Variants in RAD51C observed in about 807,000 individuals in gnomAD.
RAD51C encodes the protein DNA repair protein RAD51 homolog 3.
In RAD51C, 42 loss-of-function variants were observed where a neutral mutation model predicts 45.0. The observed-to-expected ratio is 0.93, with a 90% CI of 0.73 to 1.21. The LOEUF is 1.21. Among genes scored for constraint, RAD51C ranks in the 50% most tolerant of loss-of-function variants. The probability of loss-of-function intolerance (pLI) is 0.00; values close to 1 mark genes in which losing one functional copy is unlikely to be tolerated. For synonymous variants in RAD51C, 172 were observed against 159.8 expected (o/e 1.08, Z -0.58); for missense variants, 474 against 452.2 (o/e 1.05, Z -0.44).
At chr17:58,696,598 C>T in intron 2 of RAD51C, 95 bp from the exon 3 acceptor site, 1 of 1,477,330 alleles carries the variant, frequency 6.8e-7, no homozygotes, top group Non-Finnish European at 9.4e-7. Context: ...ATTTATAAAA[C>T]TTTAGTGATA....
At chr17:58,707,493 G>A (rs534462195) in intron 4 of RAD51C, among the ~76,000 whole-genome samples, 24 of 151,176 alleles carry the variant, frequency 1.6e-4, no homozygotes, top group Non-Finnish European at 2.9e-4. Flanking sequence ...CTGCACTCCA[G>A]CCTGGGCAAC....
intron 3 of RAD51C, among the ~76,000 whole-genome samples, chr17:58,701,841 G>T (rs1344120462): frequency 6.6e-6 from 1 of 152,048 alleles, no homozygotes; most frequent in South Asian, 2.1e-4. Context: ...GTGATTACAA[G>T]TGTGAGCCAC....
chr17:58,720,358 G>A (rs2048873120), intron 5 of RAD51C, among the ~76,000 whole-genome samples: 1 of 151,278 alleles, frequency 6.6e-6, no homozygotes. Context: ...AGAGCTTGCT[G>A]TGGGCAGAGA....
intron 7 of RAD51C, among the ~76,000 whole-genome samples, chr17:58,726,890 G>A (rs192036267): frequency 7.2e-5 from 11 of 152,046 alleles, no homozygotes; most frequent in East Asian, 1.9e-4. Context: ...GCGCGATCTC[G>A]GCTCACTGCA....
chr17:58,730,234 G>A lies in RAD51C; in HGVS notation c.966-2250G>A, dbSNP rs1004980346. ...GGCTGGAGTGCAGAGGCACGATCTCGGCTCACTGCAACCTCCACCTCCCCA... is the reference window on the plus strand; with the variant it reads ...GGCTGGAGTGCAGAGGCACGATCTCAGCTCACTGCAACCTCCACCTCCCCA... On this transcript the variant is annotated intron_variant, in intron 7 of 8. Coordinates refer to ENST00000337432, the MANE Select transcript of RAD51C (RefSeq NM_058216.3). Among the ~76,000 whole-genome samples, 1 of 146,746 alleles carries A rather than the reference G, an allele frequency of 6.8e-6. No homozygotes were observed. Among genetic ancestry groups the A allele is most frequent in the South Asian group, 2.1e-4 (1 of 4,710 alleles).
rs976213510 is a variant in RAD51C at position 58,711,758 on chromosome 17, C to T, written c.837+1768C>T. Among the ~76,000 whole-genome samples, 5 of 152,194 alleles carry T rather than the reference C, an allele frequency of 3.3e-5. No individual in the cohort carries two copies. In the East Asian group the frequency reaches 7.7e-4, roughly 24 times the overall value. On this transcript the variant is annotated intron_variant, in intron 5 of 8. Transcript: ENST00000337432. ...AAGTACTAGGATTACATGCATAAGC[C>T]ACTGTGCCCAGACTTGGCTTCTTCA...
At chr17:58,709,752 A>G (rs896290953) in intron 4 of RAD51C, 107 bp from the exon 5 acceptor site, 3 of 1,071,482 alleles carry the variant, frequency 2.8e-6, no homozygotes, top group Admixed American at 3.9e-5. Context: ...ACAGAAGAAT[A>G]TAGTAAATAA....
At position 58,696,820 on chromosome 17, in the gene RAD51C, C is replaced by A. The variant is rs1555594861; in HGVS notation, c.532C>A (p.Gln178Lys). 6.2e-7 allele frequency: 1 copy of A among 1,614,172 alleles called. No individual in the cohort carries two copies. Among genetic ancestry groups the A allele is most frequent in the East Asian group, 2.2e-5 (1 of 44,882 alleles). The change falls in exon 3 of 9, where the codon CAG (glutamine) becomes AAG (lysine). Residue 178 changes from glutamine to lysine, a missense_variant. Gln to Lys is a moderately conservative substitution (Grantham distance 53). Coordinates refer to ENST00000337432, the MANE Select transcript of RAD51C (RefSeq NM_058216.3). ...RVVDLATACIQHLQLIAEKHK... is the reference protein window; with the variant it reads ...RVVDLATACIKHLQLIAEKHK... The stretch of plus-strand genomic sequence containing the variant: ...GGTAGACCTTGCTACTGCCTGCATT[C>A]AGCACCTTCAGCTTATAGCAGAAAA...
intron 4 of RAD51C, among the ~76,000 whole-genome samples, chr17:58,704,278 T>A (rs1487556899): frequency 6.6e-6 from 1 of 152,024 alleles, no homozygotes; most frequent in Non-Finnish European, 1.5e-5. Context: ...TTATTTATTT[T>A]TTATTTTTTA....
intron 1 of RAD51C, chr17:58,694,343 T>C (rs1375297050): frequency 1.3e-5 from 2 of 155,678 alleles, no homozygotes; most frequent in Non-Finnish European, 2.8e-5. Flanking sequence ...AAAAATATGG[T>C]AATAGTGAGT....
At chr17:58,695,327 T>A in intron 2 of RAD51C, 138 bp downstream of exon 2, 1 of 1,410,188 alleles carries the variant, frequency 7.1e-7, no homozygotes, top group South Asian at 1.6e-5. Flanking sequence ...AAACAAAAAT[T>A]AGCTTACTAT....
chr17:58,717,826 A>G (rs2048791622), intron 5 of RAD51C, among the ~76,000 whole-genome samples: 1 of 152,198 alleles, frequency 6.6e-6, no homozygotes, highest in Admixed American at 6.6e-5. Flanking sequence ...CAAATGGAGA[A>G]TGCCCTGTGG....
intron 1 of RAD51C, chr17:58,694,633 C>T (rs2047926213): frequency 2.7e-6 from 1 of 372,852 alleles, no homozygotes; most frequent in Non-Finnish European, 5.2e-6. Context: ...TGCCACCATG[C>T]CCGGCTAATT....
chr17:58,706,610 T>G (rs550447926), intron 4 of RAD51C: 4 of 406,822 alleles, frequency 9.8e-6, no homozygotes, highest in African/African-American at 2.1e-5. Flanking sequence ...GGGCTTATGG[T>G]AAGAGTGACA....
chr17:58,728,621 C>T (rs1486292114), intron 7 of RAD51C, among the ~76,000 whole-genome samples: 2 of 151,972 alleles, frequency 1.3e-5, no homozygotes, highest in East Asian at 3.9e-4. Flanking sequence ...TGGCCTCGAA[C>T]TCCTAAACTC....
rs112239388 is a variant in RAD51C, at chr17:58,705,070, G to C, written c.705+1741G>C. On this transcript the variant is annotated intron_variant, in intron 4 of 8. Transcript: ENST00000337432. Reference sequence around the variant, plus strand: ...CGCTTGAACCTGGGAAGCAGAGGTTGCAGTGTGCTGAGATCGTGACACTGC... The same window carrying C: ...CGCTTGAACCTGGGAAGCAGAGGTTCCAGTGTGCTGAGATCGTGACACTGC... 3.7e-3 allele frequency among the ~76,000 whole-genome samples: 562 copies of C among 151,450 alleles called. 4 individuals are homozygous for C. The highest frequency in any genetic ancestry group is 5.9e-3 in the Non-Finnish European group (403 of 67,934).
At chr17:58,714,448 C>T (rs927436392) in intron 5 of RAD51C, among the ~76,000 whole-genome samples, 3 of 151,900 alleles carry the variant, frequency 2.0e-5, no homozygotes, top group Non-Finnish European at 4.4e-5. Flanking sequence ...CTTTGGGTAC[C>T]AGTCTTTTAT....
intron 2 of RAD51C, among the ~76,000 whole-genome samples, chr17:58,696,136 A>T (rs949530344): frequency 6.6e-6 from 1 of 151,790 alleles, no homozygotes; most frequent in Admixed American, 6.6e-5. Flanking sequence ...GGAAATGATT[A>T]AAATATTCTT....
intron 3 of RAD51C, among the ~76,000 whole-genome samples, 178 bp downstream of exon 3, chr17:58,697,037 C>CTT (rs376251341): frequency 6.6e-6 from 1 of 151,938 alleles, no homozygotes; most frequent in African/African-American, 2.4e-5. Context: ...CCTGGACTGG[C>CTT]TTTTTTTTGT....
Sources: gnomAD v4.1 joint callset for allele counts (sites outside exome capture counted in the v4.1 genomes callset) on GRCh38, gnomAD v4.1.1 for gene constraint, MANE v1.5 for transcripts, NCBI Gene and HGNC (gene_info 2026-07-23, HGNC 2026-07-21) for gene names.